Variants in ENOX1 observed in about 807,000 individuals in gnomAD.
ENOX1 encodes the protein candidate growth-related and time keeping constitutive hydroquinone (NADH) oxidase.
ENOX1 carries 42 observed loss-of-function variants against 82.5 expected under a neutral mutation model. The observed-to-expected ratio is 0.51, with a 90% confidence interval of 0.40 to 0.66. ENOX1 has a LOEUF of 0.66. ENOX1 is among the 30% of genes least tolerant of loss of function. The probability of loss-of-function intolerance (pLI) is 0.00; values close to 1 mark genes in which losing one functional copy is unlikely to be tolerated. For synonymous variants in ENOX1, 271 were observed against 282.2 expected (o/e 0.96, Z 0.40); for missense variants, 608 against 811.6 (o/e 0.75, Z 3.05).
chr13:43,681,694 C>T (rs1048280270), intron 1 of ENOX1, among the ~76,000 whole-genome samples: 1 of 139,220 alleles, frequency 7.2e-6, no homozygotes, highest in African/African-American at 3.1e-5. Context: ...TAAACACACA[C>T]ACACACACAC....
chr13:43,296,412 C>T (rs1484232526), intron 12 of ENOX1, among the ~76,000 whole-genome samples: 1 of 152,152 alleles, frequency 6.6e-6, no homozygotes, highest in African/African-American at 2.4e-5. Flanking sequence ...AGATTTCCAG[C>T]CAACCTCCAG....
chr13:43,441,894 A>C (rs1274674352), intron 3 of ENOX1, among the ~76,000 whole-genome samples: 1 of 151,688 alleles, frequency 6.6e-6, no homozygotes, highest in Admixed American at 6.6e-5. Context: ...AGAAGGAGGG[A>C]TGTTGGTGTT....
In ENOX1 at chr13:43,392,375, T is replaced by G. The variant is rs144644421; in HGVS notation, c.208+19541A>C. 7.1e-4 allele frequency among the ~76,000 whole-genome samples: 108 copies of G among 152,228 alleles called. 1 individual carries two copies. In the East Asian group the frequency reaches 0.02, roughly 28 times the overall value. ...GAGTGAAGGAGGGATACTACTAAAC[T>G]ATGACATTAAAACTAGTATGAGGCC... On this transcript the variant is annotated intron_variant, in intron 5 of 16. Transcript: ENST00000690772.
chr13:43,581,831 C>T (rs910986225), intron 2 of ENOX1, among the ~76,000 whole-genome samples: 7 of 152,182 alleles, frequency 4.6e-5, no homozygotes, highest in African/African-American at 1.4e-4. Flanking sequence ...ATACAGAAAC[C>T]AATTAATAGC....
intron 1 of ENOX1, among the ~76,000 whole-genome samples, chr13:43,766,728 C>T (rs1390933708): frequency 6.6e-6 from 1 of 152,166 alleles, no homozygotes; most frequent in Non-Finnish European, 1.5e-5. Flanking sequence ...TTTGTAGACA[C>T]AGACAAGGTC....
chr13:43,539,653 C>T (rs555935623), intron 2 of ENOX1, among the ~76,000 whole-genome samples: 33 of 152,052 alleles, frequency 2.2e-4, no homozygotes, highest in Non-Finnish European at 3.8e-4. Flanking sequence ...ATTTTCTGCA[C>T]TTGTGTATTC....
chr13:43,486,807 G>A (rs1044647519), intron 2 of ENOX1, among the ~76,000 whole-genome samples: 6 of 152,172 alleles, frequency 3.9e-5, no homozygotes, highest in Non-Finnish European at 5.9e-5. Flanking sequence ...AAGGCTGTTC[G>A]AGGATTAAGT....
At chr13:43,270,043 AT>A (rs2044598650) in intron 12 of ENOX1, among the ~76,000 whole-genome samples, 1 of 152,220 alleles carries the variant, frequency 6.6e-6, no homozygotes, top group Admixed American at 6.5e-5. Context: ...GTGATGTTTT[AT>A]TAGATCAGTA....
chr13:43,777,709 A>AT (rs34778933), intron 1 of ENOX1, among the ~76,000 whole-genome samples: 1,984 of 145,230 alleles, frequency 0.014, 31 homozygotes, highest in African/African-American at 0.043. Context: ...TGCCTGGCTA[A>AT]TTTTTTTTTT....
chr13:43,290,624 G>GGTTGAAAAACTAC (rs1434538856), intron 12 of ENOX1, among the ~76,000 whole-genome samples: 2 of 152,176 alleles, frequency 1.3e-5, no homozygotes, highest in South Asian at 2.1e-4. Flanking sequence ...GAAGGGCACG[G>GGTTGAAAAACTAC]CTGCTGGATA....
chr13:43,410,451 T>C (rs2054054079), intron 5 of ENOX1, among the ~76,000 whole-genome samples: 1 of 152,148 alleles, frequency 6.6e-6, no homozygotes, highest in South Asian at 2.1e-4. Flanking sequence ...TGATAGCATT[T>C]TGAAGAACTT....
At chr13:43,671,197 T>C (rs954549418) in intron 1 of ENOX1, among the ~76,000 whole-genome samples, 2 of 152,198 alleles carry the variant, frequency 1.3e-5, no homozygotes, top group African/African-American at 4.8e-5. Flanking sequence ...TGATTCTAAG[T>C]TTCCTAAGGC....
intron 3 of ENOX1, among the ~76,000 whole-genome samples, chr13:43,450,536 T>A (rs1331377044): frequency 6.6e-6 from 1 of 151,974 alleles, no homozygotes; most frequent in Admixed American, 6.6e-5. Flanking sequence ...GGGGAAAATG[T>A]GGGGAAGGGC....
chr13:43,681,457 T>C (rs1357170036), intron 1 of ENOX1, among the ~76,000 whole-genome samples: 2 of 152,180 alleles, frequency 1.3e-5, no homozygotes, highest in African/African-American at 4.8e-5. Flanking sequence ...TTATCCCATA[T>C]GGCAGATATT....
intron 1 of ENOX1, among the ~76,000 whole-genome samples, chr13:43,772,027 G>A (rs1437649739): frequency 1.4e-5 from 2 of 142,686 alleles, no homozygotes; most frequent in African/African-American, 2.6e-5. Context: ...CTCATGATCC[G>A]CCCGCCTGGG....
At chr13:43,432,244 T>C (rs1275071163) in intron 3 of ENOX1, among the ~76,000 whole-genome samples, 1 of 152,170 alleles carries the variant, frequency 6.6e-6, no homozygotes, top group Admixed American at 6.5e-5. Context: ...AAAAACTGCA[T>C]TTTCAAATGC....
At chr13:43,494,319 G>T (rs2076721091) in intron 2 of ENOX1, among the ~76,000 whole-genome samples, 1 of 152,034 alleles carries the variant, frequency 6.6e-6, no homozygotes, top group Admixed American at 6.6e-5. Flanking sequence ...ATAATTTTTG[G>T]ATTCCTCTCT....
chr13:43,370,259 C>G (rs531621864), intron 5 of ENOX1, among the ~76,000 whole-genome samples: 4 of 151,880 alleles, frequency 2.6e-5, no homozygotes, highest in Admixed American at 2.6e-4. Flanking sequence ...CCCAGCTACT[C>G]GGGAGGCTGA....
At chr13:43,359,338 A>C (rs2050351561) in intron 7 of ENOX1, among the ~76,000 whole-genome samples, 2 of 152,212 alleles carry the variant, frequency 1.3e-5, no homozygotes, top group Admixed American at 1.3e-4. Flanking sequence ...GTATCTGTAA[A>C]AATCGCCTAT....
Sources: gnomAD v4.1 joint callset for allele counts (sites outside exome capture counted in the v4.1 genomes callset) on GRCh38, gnomAD v4.1.1 for gene constraint, MANE v1.5 for transcripts, NCBI Gene and HGNC (gene_info 2026-07-23, HGNC 2026-07-21) for gene names.